The following CSMD3 variants were observed in gnomAD, a reference collection of about 807,000 sequenced individuals.
The protein encoded by CSMD3 is CUB and sushi domain-containing protein 3.
A neutral mutation model predicts 435.2 loss-of-function variants in CSMD3; 177 were observed. The observed-to-expected ratio is 0.41, with a 90% CI of 0.36 to 0.46. CSMD3 has a LOEUF of 0.46. Among genes scored for constraint, CSMD3 ranks in the 20% least tolerant of loss-of-function variants. CSMD3 has a pLI of 0.34. For missense variants in CSMD3, 4,265 were observed against 4,504.6 expected (o/e 0.95, Z 1.52); for synonymous variants, 1,656 against 1,520.5 (o/e 1.09, Z -2.07).
chr8:113,018,437 CA>C (rs1294018083), intron 6 of CSMD3, among the ~76,000 whole-genome samples: 2 of 151,910 alleles, frequency 1.3e-5, no homozygotes, highest in Non-Finnish European at 2.9e-5. Context: ...GTAGCTGATA[CA>C]CTACTGAGAA....
intron 13 of CSMD3, among the ~76,000 whole-genome samples, chr8:112,714,557 G>A (rs1259695951): frequency 1.3e-5 from 2 of 152,136 alleles, no homozygotes; most frequent in Non-Finnish European, 2.9e-5. Context: ...CTTGAAAGCA[G>A]CTCTGGATCA....
rs766550959 is a variant in CSMD3, at chr8:112,829,060, G to GA, written c.1859+625dup. On this transcript the variant is annotated intron_variant, in intron 12 of 70. Transcript: ENST00000297405. The stretch of plus-strand genomic sequence containing the variant: ...AATGAAAAGGAAAAGAAAAAAAAAG[G>GA]AAAAAAAAATAGCTTACCTTTAGTC... Among the ~76,000 whole-genome samples the GA allele has an allele frequency of 1.0e-4, 15 of 150,058 alleles. No homozygotes were observed. The East Asian group carries it at 2.7e-3, about 28-fold the overall frequency.
At chr8:113,249,706 G>A (rs2093316510) in intron 3 of CSMD3, among the ~76,000 whole-genome samples, 1 of 151,896 alleles carries the variant, frequency 6.6e-6, no homozygotes, top group Non-Finnish European at 1.5e-5. Flanking sequence ...AATTCTCTGA[G>A]CTCCCAAAAC....
chr8:113,260,829 G>C (rs2093420881), intron 3 of CSMD3, among the ~76,000 whole-genome samples: 1 of 152,042 alleles, frequency 6.6e-6, no homozygotes, highest in Admixed American at 6.6e-5. Flanking sequence ...GTGGTGTTTG[G>C]TTTTCTGTTC....
In CSMD3 at chr8:112,540,845, T is replaced by G. The variant is rs563897600; in HGVS notation, c.4564+9826A>C. Among the ~76,000 whole-genome samples, 77 of 152,116 alleles carry G rather than the reference T, an allele frequency of 5.1e-4. 1 individual carries two copies. In the Middle Eastern group the frequency reaches 0.014, roughly 27 times the overall value. On this transcript the variant is annotated intron_variant, in intron 27 of 70. Transcript: ENST00000297405. ...GTTATACAGAAGGCACAAATTCTAT[T>G]GTTCAATAGCACAGTAGAGTGATGA...
chr8:112,365,377 G>C (rs1827669986), intron 38 of CSMD3, among the ~76,000 whole-genome samples: 2 of 150,960 alleles, frequency 1.3e-5, no homozygotes, highest in African/African-American at 4.9e-5. Flanking sequence ...AAAACAATTA[G>C]GGTGAAGACA....
At chr8:113,073,240 A>G (rs1189059576) in intron 5 of CSMD3, among the ~76,000 whole-genome samples, 1 of 151,708 alleles carries the variant, frequency 6.6e-6, no homozygotes, top group Non-Finnish European at 1.5e-5. Context: ...ACACTTTTTC[A>G]TGGAGCTGAC....
chr8:113,094,687 G>T (rs2090108871), intron 5 of CSMD3, among the ~76,000 whole-genome samples: 3 of 152,126 alleles, frequency 2.0e-5, no homozygotes, highest in Admixed American at 6.5e-5. Context: ...TAATGTAGAT[G>T]ATTCTAGCAT....
At chr8:112,940,622 A>G (rs2083424029) in intron 9 of CSMD3, among the ~76,000 whole-genome samples, 1 of 151,818 alleles carries the variant, frequency 6.6e-6, no homozygotes, top group African/African-American at 2.4e-5. Context: ...AGGTATTTCA[A>G]ATTAGAAACA....
At chr8:113,141,961 T>C (rs574996989) in intron 4 of CSMD3, among the ~76,000 whole-genome samples, 67 of 151,262 alleles carry the variant, frequency 4.4e-4, no homozygotes, top group Admixed American at 2.1e-3. Context: ...AAATCAAGTA[T>C]ATTTCTGTAT....
At chr8:112,497,781 T>C (rs986500740) in intron 30 of CSMD3, among the ~76,000 whole-genome samples, 1 of 151,922 alleles carries the variant, frequency 6.6e-6, no homozygotes, top group African/African-American at 2.4e-5. Context: ...AACTGGACAA[T>C]TACAGAGGAA....
intron 59 of CSMD3, among the ~76,000 whole-genome samples, chr8:112,275,482 G>A (rs1483316125): frequency 6.6e-6 from 1 of 152,120 alleles, no homozygotes; most frequent in Non-Finnish European, 1.5e-5. Context: ...AGGAGGCAGA[G>A]GTTGCAGTGA....
intron 6 of CSMD3, among the ~76,000 whole-genome samples, chr8:113,012,157 A>G (rs1391725102): frequency 6.6e-6 from 1 of 151,868 alleles, no homozygotes; most frequent in African/African-American, 2.4e-5. Context: ...AGTAAATAAA[A>G]GTAGCTCTCT....
rs1831875051 is a variant in CSMD3 at position 112,406,521 on chromosome 8, C to T, written c.5809+3G>A. On this transcript the variant is annotated splice_donor_region_variant and intron_variant, in intron 35 of 70. Transcript: ENST00000297405. The stretch of plus-strand genomic sequence containing the variant: ...CACAGATCATACAAATTTATATACT[C>T]ACCAATACAAGTAGGTAAGGAATCA... 2.5e-6 allele frequency: 4 copies of T among 1,595,338 alleles called. No homozygotes were observed. The highest frequency in any genetic ancestry group is 4.5e-5 in the East Asian group (2 of 44,596).
intron 2 of CSMD3, among the ~76,000 whole-genome samples, chr8:113,286,161 T>C (rs2093645240): frequency 6.6e-6 from 1 of 152,164 alleles, no homozygotes; most frequent in African/African-American, 2.4e-5. Context: ...CATCAGAGGC[T>C]TTTGTTCCCT....
At chr8:113,085,546 G>A (rs2089731613) in intron 5 of CSMD3, among the ~76,000 whole-genome samples, 1 of 152,164 alleles carries the variant, frequency 6.6e-6, no homozygotes, top group African/African-American at 2.4e-5. Context: ...ATTGATGCAT[G>A]AGTGGATAAA....
chr8:112,970,125 T>G (rs1191752057), intron 7 of CSMD3, among the ~76,000 whole-genome samples: 2 of 151,980 alleles, frequency 1.3e-5, no homozygotes, highest in African/African-American at 4.8e-5. Flanking sequence ...AGTTCCCACC[T>G]AATTCTAAAA....
chr8:113,241,701 C>T (rs1694555821), intron 3 of CSMD3, among the ~76,000 whole-genome samples: 1 of 151,472 alleles, frequency 6.6e-6, no homozygotes, highest in African/African-American at 2.4e-5. Context: ...TAAAATCTCT[C>T]AGTAATAGAG....
intron 1 of CSMD3, among the ~76,000 whole-genome samples, chr8:113,418,013 T>C (rs979206036): frequency 3.3e-5 from 5 of 152,244 alleles, no homozygotes; most frequent in East Asian, 1.9e-4. Context: ...TAATATTCTA[T>C]TGTAAATCCA....
Sources: allele counts gnomAD v4.1 joint callset (sites outside exome capture counted in the v4.1 genomes callset), GRCh38; gene constraint gnomAD v4.1.1; transcripts MANE v1.5; gene names NCBI Gene and HGNC (gene_info 2026-07-23, HGNC 2026-07-21).